Variants in RTN4 observed in about 807,000 individuals in gnomAD.
RTN4 encodes the protein reticulon 4, also known as reticulon-4.
Under a neutral mutation model 90.4 loss-of-function variants are expected in RTN4, and 32 were observed. That is an observed-to-expected ratio of 0.35 (90% CI 0.27 to 0.48). The LOEUF (loss-of-function observed/expected upper bound fraction) is 0.48. Among genes scored for constraint, RTN4 ranks in the 20% least tolerant of loss-of-function variants. The pLI, the probability that RTN4 is intolerant of heterozygous loss-of-function variation, is 0.99. For missense variants in RTN4, 1,706 were observed against 1,430.2 expected (o/e 1.19, Z -3.11); for synonymous variants, 629 against 552.5 (o/e 1.14, Z -1.94).
intron 3 of RTN4, among the ~76,000 whole-genome samples, chr2:55,023,529 C>A (rs971920836): frequency 1.2e-4 from 18 of 152,008 alleles, no homozygotes. Flanking sequence ...AAAGCTCTAT[C>A]GTTCCTTCTC....
At chr2:55,043,896 T>TAAAATA (rs1166885489) in intron 1 of RTN4, among the ~76,000 whole-genome samples, 7 of 150,380 alleles carry the variant, frequency 4.7e-5, no homozygotes, top group South Asian at 2.1e-4. Context: ...AAAAATAAAA[T>TAAAATA]AAAATAAAAA....
intron 3 of RTN4, among the ~76,000 whole-genome samples, chr2:55,006,804 C>T (rs1402580180): frequency 6.6e-6 from 1 of 152,032 alleles, no homozygotes; most frequent in African/African-American, 2.4e-5. Context: ...AATTCTTTCC[C>T]CCCTTAGTAT....
At chr2:54,978,459 A>G (rs1294588368) in intron 5 of RTN4, among the ~76,000 whole-genome samples, 2 of 148,618 alleles carry the variant, frequency 1.3e-5, no homozygotes. Context: ...AAAAAGAGCT[A>G]GTGATAATTG....
intron 1 of RTN4, chr2:55,112,421 C>T (rs1668054586): frequency 1.3e-5 from 2 of 152,292 alleles, no homozygotes; most frequent in East Asian, 1.9e-4. Context: ...CTCCCAACCA[C>T]GTCAACACTA....
chr2:55,013,341 G>A (rs1300998323), intron 3 of RTN4, among the ~76,000 whole-genome samples: 3 of 151,860 alleles, frequency 2.0e-5, no homozygotes, highest in Non-Finnish European at 4.4e-5. Flanking sequence ...CTTCTCCCAA[G>A]CATGACAAAA....
chr2:55,018,121 T>A (rs565977630), intron 3 of RTN4, among the ~76,000 whole-genome samples: 4 of 152,330 alleles, frequency 2.6e-5, no homozygotes, highest in Non-Finnish European at 4.4e-5. Context: ...TTACTTAACA[T>A]CCTTAGGCTT....
At position 55,069,097 on chromosome 2, in the gene RTN4, A is replaced by T. The variant is rs563204236; in HGVS notation, c.-63+11392T>A. Among the ~76,000 whole-genome samples, 184 of 152,336 alleles carry T rather than the reference A, an allele frequency of 1.2e-3. 4 individuals carry two copies. Among genetic ancestry groups the T allele is most frequent in the Admixed American group, 8.2e-3 (126 of 15,294 alleles). On this transcript the variant is annotated intron_variant, in intron 2 of 3. Transcript: ENST00000427710. ...TAATATTATTATAAAAAGAGTTTGG[A>T]CCTTGCAGACTTTCTGAAGAAATCT...
chr2:55,076,771 A>G (rs1668607999), intron 2 of RTN4, among the ~76,000 whole-genome samples: 1 of 152,084 alleles, frequency 6.6e-6, no homozygotes, highest in Non-Finnish European at 1.5e-5. Context: ...AGATAAGTGA[A>G]TCATGGGGGT....
At chr2:55,061,672 C>G (rs1668296566) in intron 2 of RTN4, among the ~76,000 whole-genome samples, 1 of 152,124 alleles carries the variant, frequency 6.6e-6, no homozygotes, top group African/African-American at 2.4e-5. Context: ...CGTCAAGGTA[C>G]CAGTTAGCTT....
At chr2:55,116,819 G>C (rs567569080), upstream of RTN4, among the ~76,000 whole-genome samples, 2 of 151,506 alleles carry the variant, frequency 1.3e-5, no homozygotes, top group Non-Finnish European at 2.9e-5. Flanking sequence ...TCATCTCTTC[G>C]ACACTTCCCA....
At position 55,036,064 on chromosome 2, in the gene RTN4, GA is replaced by G. The variant is rs539723957; in HGVS notation, c.557-7845del. On this transcript the variant is annotated intron_variant, in intron 1 of 8. Coordinates refer to ENST00000337526, the MANE Select transcript of RTN4 (RefSeq NM_020532.5). ...AGTACCAACCTTACACAAACTCTTT[GA>G]GCATATAAAGGAAAAGCAAACACTT... Among the ~76,000 whole-genome samples the G allele has an allele frequency of 1.6e-4, 25 of 152,180 alleles. No homozygotes were observed. In the South Asian group the frequency reaches 5.2e-3, roughly 32 times the overall value.
chr2:55,070,942 A>G (rs1322977040), intron 2 of RTN4, among the ~76,000 whole-genome samples: 1 of 151,486 alleles, frequency 6.6e-6, no homozygotes, highest in Non-Finnish European at 1.5e-5. Context: ...ACGCCTGGCT[A>G]ATTTTTTGTA....
In RTN4 at chr2:54,972,192, T is replaced by TAAG. The variant is rs1024530290; in HGVS notation, c.*961_*963dup. 1.3e-5 allele frequency: 2 copies of TAAG among 152,658 alleles called. No individual in the cohort carries two copies. Among genetic ancestry groups the TAAG allele is most frequent in the African/African-American group, 4.8e-5 (2 of 41,448 alleles). The allele number at this position is 152,658 out of a possible 1,614,324, so 9.5% of individuals were successfully genotyped here. A position where few individuals can be genotyped will look rare whatever the true frequency, so the allele number is the denominator to read the frequency against. ...GAAATGAAAATACCAAAGCATATTT[T>TAAG]AAGTCTATAAGCTTTATTGATACTT... On this transcript the variant is annotated 3_prime_UTR_variant, in exon 9 of 9. Coordinates refer to ENST00000337526, the MANE Select transcript of RTN4 (RefSeq NM_020532.5).
At chr2:55,045,254 T>C (rs570675632) in intron 1 of RTN4, among the ~76,000 whole-genome samples, 3 of 152,342 alleles carry the variant, frequency 2.0e-5, no homozygotes, top group East Asian at 3.9e-4. Flanking sequence ...TAATAAGCAC[T>C]AATATTCTTT....
the RTN4 span, among the ~76,000 whole-genome samples, chr2:55,127,625 G>A: frequency 2.0e-5 from 3 of 152,280 alleles, no homozygotes; most frequent in Non-Finnish European, 4.4e-5. Context: ...ACAAGCTGGG[G>A]TAATTCCCAT....
chr2:54,974,407 GTAGCTGGGAT>G, intron 6 of RTN4, among the ~76,000 whole-genome samples: 1 of 152,350 alleles, frequency 6.6e-6, no homozygotes, highest in East Asian at 1.9e-4. Context: ...AGCCTCCGGA[GTAGCTGGGAT>G]TACAGGCGTG....
At chr2:55,013,261 T>C (rs1279455046) in intron 3 of RTN4, among the ~76,000 whole-genome samples, 4 of 152,122 alleles carry the variant, frequency 2.6e-5, no homozygotes, top group Non-Finnish European at 5.9e-5. Context: ...TACAGAACTT[T>C]TGAAATAAAC....
At chr2:55,051,650 G>C (rs1343367868), upstream of RTN4, among the ~76,000 whole-genome samples, 1 of 152,178 alleles carries the variant, frequency 6.6e-6, no homozygotes, top group Non-Finnish European at 1.5e-5. Flanking sequence ...TGCTGTACCT[G>C]ACAGGTACTG....
chr2:55,027,193 T>C lies in RTN4; in HGVS notation c.906A>G (p.Ser302=), dbSNP rs140323493. The stretch of plus-strand genomic sequence containing the variant: ...CTGCTTTTGGAGAGACACTGAACGA[T>C]GATCCCATTTCTGAGTATTCTAATT... ...FSELEYSEMG[S]SFSVSPKAES... is the part of the protein sequence containing the mutation. Residue 302 remains serine (S), a synonymous_variant, in exon 3 of 9, where the codon TCA becomes TCG. Transcript: ENST00000337526. 1.5e-4 allele frequency: 250 copies of C among 1,613,766 alleles called. No individual in the cohort carries two copies. The highest frequency in any genetic ancestry group is 1.5e-3 in the Middle Eastern group (9 of 6,054).
Sources: allele counts gnomAD v4.1 joint callset (sites outside exome capture counted in the v4.1 genomes callset), GRCh38; gene constraint gnomAD v4.1.1; transcripts MANE v1.5; gene names NCBI Gene and HGNC (gene_info 2026-07-23, HGNC 2026-07-21).